TIAM1: variants seen among roughly 807,000 people sequenced by gnomAD.
The protein encoded by TIAM1 is rho guanine nucleotide exchange factor TIAM1.
In TIAM1, 65 loss-of-function variants were observed where a neutral mutation model predicts 163.5. The ratio of observed to expected loss-of-function variants is 0.40; its 90% CI spans 0.33 to 0.49. The LOEUF (loss-of-function observed/expected upper bound fraction) is 0.49, where lower values mean the gene tolerates loss of function less well. Ranked by LOEUF, TIAM1 falls within the 20% of genes least tolerant of loss-of-function variation. TIAM1 has a pLI of 0.77. For missense variants in TIAM1, 1,789 were observed against 2,044.7 expected (o/e 0.87, Z 2.41); for synonymous variants, 833 against 810.1 (o/e 1.03, Z -0.48).
At chr21:31,151,182 A>G (rs2083353375) in intron 19 of TIAM1, among the ~76,000 whole-genome samples, 1 of 152,182 alleles carries the variant, frequency 6.6e-6, no homozygotes, top group South Asian at 2.1e-4. Flanking sequence ...AGTTAAACAT[A>G]CCCTTACCAT....
intron 26 of TIAM1, among the ~76,000 whole-genome samples, chr21:31,126,660 C>T (rs1489097376): frequency 2.0e-5 from 3 of 152,022 alleles, no homozygotes; most frequent in Non-Finnish European, 2.9e-5. Context: ...CTGTTGGAGT[C>T]ATCTATCTTG....
chr21:31,147,727 A>G (rs138778655), intron 19 of TIAM1, among the ~76,000 whole-genome samples: 3,527 of 144,030 alleles, frequency 0.024, 67 homozygotes, highest in South Asian at 0.039. Context: ...TATATAAAAT[A>G]TATAATATAT....
intron 13 of TIAM1, among the ~76,000 whole-genome samples, chr21:31,192,348 T>C (rs888455925): frequency 6.6e-6 from 1 of 152,154 alleles, no homozygotes; most frequent in Non-Finnish European, 1.5e-5. Context: ...CCAGGCACAG[T>C]GGCTCATGCC....
chr21:31,202,571 A>G (rs1008043669), intron 12 of TIAM1, among the ~76,000 whole-genome samples: 4 of 152,152 alleles, frequency 2.6e-5, no homozygotes, highest in Non-Finnish European at 5.9e-5. Flanking sequence ...TCCTGTCTCT[A>G]AACAACAAAA....
chr21:31,164,371 CAG>C (rs1403784857), intron 16 of TIAM1, among the ~76,000 whole-genome samples: 1 of 136,418 alleles, frequency 7.3e-6, no homozygotes, highest in Non-Finnish European at 1.5e-5. Flanking sequence ...GCCTGGGCGA[CAG>C]AGCGAGACTC....
chr21:31,545,287 A>G (rs2123292065), intron 1 of TIAM1, among the ~76,000 whole-genome samples: 1 of 152,338 alleles, frequency 6.6e-6, no homozygotes, highest in African/African-American at 2.4e-5. Flanking sequence ...AAAAGCTGGA[A>G]GAGGCAAGAA....
chr21:31,445,956 T>C (rs879909662), intron 2 of TIAM1, among the ~76,000 whole-genome samples: 1 of 152,184 alleles, frequency 6.6e-6, no homozygotes, highest in Non-Finnish European at 1.5e-5. Flanking sequence ...TTTTTTATTT[T>C]TGAGACAGAA....
chr21:31,496,638 T>C (rs2046661138), intron 1 of TIAM1, among the ~76,000 whole-genome samples: 1 of 152,098 alleles, frequency 6.6e-6, no homozygotes. Flanking sequence ...ACATTTAGTG[T>C]AGCCTAAGTG....
At chr21:31,410,438 CTG>C (rs1250580199) in intron 2 of TIAM1, among the ~76,000 whole-genome samples, 16 of 150,876 alleles carry the variant, frequency 1.1e-4, no homozygotes, top group African/African-American at 3.4e-4. Flanking sequence ...GTGTATGAGA[CTG>C]TGTGAGGGTG....
intron 1 of TIAM1, among the ~76,000 whole-genome samples, chr21:31,472,184 T>C (rs1441519271): frequency 6.6e-6 from 1 of 152,174 alleles, no homozygotes; most frequent in Non-Finnish European, 1.5e-5. Context: ...ATCATAATCA[T>C]AGTACCTGTG....
chr21:31,431,723 T>C (rs12627433), intron 2 of TIAM1, among the ~76,000 whole-genome samples: 19,075 of 152,250 alleles, frequency 0.13, 2,053 homozygotes, highest in African/African-American at 0.29. Flanking sequence ...GCCTTTTGCT[T>C]GTAGGCCAAA....
intron 1 of TIAM1, among the ~76,000 whole-genome samples, chr21:31,538,099 G>C (rs1438278418): frequency 6.6e-6 from 1 of 152,208 alleles, no homozygotes; most frequent in African/African-American, 2.4e-5. Context: ...CAACAGGAAA[G>C]TTTCTGGGGT....
Position 31,130,394 on chromosome 21 carries a change from G to A in TIAM1, c.3943-79C>T, listed in dbSNP as rs555693665. On this transcript the variant is annotated intron_variant, in intron 24 of 27. Coordinates refer to ENST00000541036, the MANE Select transcript of TIAM1 (RefSeq NM_001353694.2). ...AGTTCCCTGCATTTTCTAAACCAGC[G>A]ACAGACTCTCACGCAGTAACTCTAG... 2.8e-5 allele frequency: 32 copies of A among 1,151,904 alleles called. No individual in the cohort carries two copies. In the East Asian group the frequency reaches 4.0e-4, roughly 14 times the overall value. 71.4% of individuals were successfully genotyped at this position (1,151,904 alleles called of 1,614,324 possible).
At chr21:31,194,086 T>G (rs1469493359) in intron 13 of TIAM1, among the ~76,000 whole-genome samples, 1 of 151,956 alleles carries the variant, frequency 6.6e-6, no homozygotes. Context: ...GAAGACCCAC[T>G]CGGGCACCCC....
intron 1 of TIAM1, among the ~76,000 whole-genome samples, chr21:31,532,784 C>T (rs1351729758): frequency 1.3e-5 from 2 of 152,098 alleles, no homozygotes; most frequent in Non-Finnish European, 2.9e-5. Flanking sequence ...GGCCAAATCC[C>T]ATCTCTACAA....
chr21:31,514,391 T>C (rs971659225), intron 1 of TIAM1, among the ~76,000 whole-genome samples: 2 of 152,018 alleles, frequency 1.3e-5, no homozygotes, highest in Non-Finnish European at 2.9e-5. Flanking sequence ...AAATGTTAAG[T>C]TCCTAGCTGG....
intron 1 of TIAM1, among the ~76,000 whole-genome samples, chr21:31,519,325 A>AG: frequency 6.7e-6 from 1 of 149,052 alleles, no homozygotes. Flanking sequence ...AAAAAAAAAA[A>AG]AAAGAAACCT....
chr21:31,453,460 G>A (rs1291597492), intron 2 of TIAM1, among the ~76,000 whole-genome samples: 1 of 152,004 alleles, frequency 6.6e-6, no homozygotes, highest in East Asian at 1.9e-4. Context: ...CCAGCACTTT[G>A]GGAGGTCAAG....
At chr21:31,487,381 CTTTTTTT>C (rs943035231) in intron 1 of TIAM1, among the ~76,000 whole-genome samples, 2 of 151,974 alleles carry the variant, frequency 1.3e-5, no homozygotes, top group East Asian at 3.9e-4. Flanking sequence ...TTTCTTTTTT[CTTTTTTT>C]GAGAAGGAGT....
Sources: allele counts gnomAD v4.1 joint callset (sites outside exome capture counted in the v4.1 genomes callset), GRCh38; gene constraint gnomAD v4.1.1; transcripts MANE v1.5; gene names NCBI Gene and HGNC (gene_info 2026-07-23, HGNC 2026-07-21).